Variants in GPR158 observed in about 807,000 individuals in gnomAD.
The protein encoded by GPR158 is G protein-coupled receptor 158.
GPR158 carries 30 observed loss-of-function variants against 78.2 expected under a neutral mutation model. That is an observed-to-expected ratio of 0.38 (90% CI 0.29 to 0.52). The LOEUF is 0.52. GPR158 is among the 20% of genes least tolerant of loss of function. The pLI, the probability that GPR158 is intolerant of heterozygous loss-of-function variation, is 0.83. For synonymous variants in GPR158, 581 were observed against 591.1 expected (o/e 0.98, Z 0.25); for missense variants, 1,463 against 1,523.5 (o/e 0.96, Z 0.66).
At position 25,417,575 on chromosome 10, in the gene GPR158, T is replaced by TTA. The variant is rs1425041452; in HGVS notation, c.1335+5103_1335+5104dup. Among the ~76,000 whole-genome samples the TTA allele has an allele frequency of 2.0e-5, 3 of 152,172 alleles. No individual in the cohort carries two copies. The East Asian group carries it at 5.8e-4, about 29-fold the overall frequency. ...AAACTTTTATAAATACTGCTGGTCT[T>TTA]TACTGAGTTTTCAAAAGGTATTCAC... On this transcript the variant is annotated intron_variant, in intron 4 of 10. Transcript: ENST00000376351.
intron 6 of GPR158, among the ~76,000 whole-genome samples, chr10:25,560,338 T>G (rs2130720702): frequency 6.6e-6 from 1 of 152,350 alleles, no homozygotes; most frequent in Admixed American, 6.5e-5. Flanking sequence ...TGATCTCGGC[T>G]CACTGCAAGC....
chr10:25,403,000 T>C (rs1834467049), intron 3 of GPR158, among the ~76,000 whole-genome samples: 1 of 151,762 alleles, frequency 6.6e-6, no homozygotes, highest in Non-Finnish European at 1.5e-5. Context: ...TCAAAGTCTA[T>C]TTTTCATTTA....
chr10:25,233,948 AAT>A (rs1853488658), intron 2 of GPR158, among the ~76,000 whole-genome samples: 1 of 152,202 alleles, frequency 6.6e-6, no homozygotes, highest in Non-Finnish European at 1.5e-5. Context: ...TTTTTTCATA[AAT>A]ATGTTACTTA....
At chr10:25,489,612 C>T (rs1475731429) in intron 5 of GPR158, among the ~76,000 whole-genome samples, 1 of 152,132 alleles carries the variant, frequency 6.6e-6, no homozygotes, top group Non-Finnish European at 1.5e-5. Flanking sequence ...CCTAGCTGTA[C>T]TCTCCCTTCT....
chr10:25,512,634 T>A (rs925204054), intron 5 of GPR158, among the ~76,000 whole-genome samples: 1 of 152,186 alleles, frequency 6.6e-6, no homozygotes, highest in Non-Finnish European at 1.5e-5. Context: ...TGCTCTCAAC[T>A]TTTCCCTGTT....
At chr10:25,490,449 C>A (rs182592638) in intron 5 of GPR158, among the ~76,000 whole-genome samples, 1 of 78,152 alleles carries the variant, frequency 1.3e-5, no homozygotes, top group Non-Finnish European at 2.5e-5. Flanking sequence ...CCCCTCCCCC[C>A]ACCCCACCAC....
intron 1 of GPR158, among the ~76,000 whole-genome samples, chr10:25,182,371 GA>G (rs931164071): frequency 1.3e-4 from 20 of 152,276 alleles, no homozygotes; most frequent in Non-Finnish European, 2.8e-4. Context: ...TCGACATTTG[GA>G]AGCTCCCTAC....
intron 4 of GPR158, among the ~76,000 whole-genome samples, chr10:25,421,803 C>T (rs1834755379): frequency 6.6e-6 from 1 of 152,066 alleles, no homozygotes; most frequent in Non-Finnish European, 1.5e-5. Context: ...TCTCCCCCTT[C>T]CCAGTTTATT....
At chr10:25,241,329 C>T (rs923896309) in intron 2 of GPR158, among the ~76,000 whole-genome samples, 24 of 120,020 alleles carry the variant, frequency 2.0e-4, no homozygotes, top group African/African-American at 7.5e-4. Context: ...CTCTTCTCTT[C>T]TCTTCTCTTT....
chr10:25,207,008 A>G (rs1245599402), intron 1 of GPR158, among the ~76,000 whole-genome samples: 2 of 151,736 alleles, frequency 1.3e-5, no homozygotes, highest in African/African-American at 4.8e-5. Context: ...GGGAAATGCA[A>G]AGAGCCCATA....
At chr10:25,372,599 A>C (rs980872268) in intron 2 of GPR158, among the ~76,000 whole-genome samples, 4 of 146,948 alleles carry the variant, frequency 2.7e-5, no homozygotes, top group African/African-American at 1.0e-4. Flanking sequence ...TCAGTAAACT[A>C]TCGCAAGAAC....
At chr10:25,365,041 A>G (rs1855698045) in intron 2 of GPR158, among the ~76,000 whole-genome samples, 1 of 151,556 alleles carries the variant, frequency 6.6e-6, no homozygotes, top group Non-Finnish European at 1.5e-5. Flanking sequence ...AGTACTTGAA[A>G]ACATTTTTGT....
At chr10:25,467,190 A>T (rs1287875194) in intron 5 of GPR158, among the ~76,000 whole-genome samples, 1 of 152,204 alleles carries the variant, frequency 6.6e-6, no homozygotes, top group African/African-American at 2.4e-5. Flanking sequence ...TTTCTGGTTG[A>T]CAATTGGTTG....
At chr10:25,337,502 A>G (rs532909419) in intron 2 of GPR158, among the ~76,000 whole-genome samples, 1 of 152,120 alleles carries the variant, frequency 6.6e-6, no homozygotes, top group African/African-American at 2.4e-5. Flanking sequence ...TCATTTCTCT[A>G]TAGTATTGTT....
intron 5 of GPR158, among the ~76,000 whole-genome samples, chr10:25,547,060 A>G (rs1383839377): frequency 3.3e-5 from 5 of 152,200 alleles, no homozygotes; most frequent in Non-Finnish European, 7.3e-5. Context: ...AAGTGAGGTG[A>G]TGAGAAAGAT....
At chr10:25,470,019 A>T (rs1181424612) in intron 5 of GPR158, among the ~76,000 whole-genome samples, 1 of 152,046 alleles carries the variant, frequency 6.6e-6, no homozygotes, top group Non-Finnish European at 1.5e-5. Flanking sequence ...AACTCCCCAA[A>T]GATTCCCCAA....
rs147157857 is a variant in GPR158, at chr10:25,324,700, C to A, written c.1009-71211C>A. Among the ~76,000 whole-genome samples, 17 of 152,264 alleles carry A rather than the reference C, an allele frequency of 1.1e-4. No homozygotes were observed. In the East Asian group the frequency reaches 3.3e-3, roughly 29 times the overall value. On this transcript the variant is annotated intron_variant, in intron 2 of 10. Transcript: ENST00000376351. ...TTCAAATTTGTAAAACATGCAGTATCTGTGAAGCACAATAAAGCAAAGTGC... is the reference window on the plus strand; with the variant it reads ...TTCAAATTTGTAAAACATGCAGTATATGTGAAGCACAATAAAGCAAAGTGC...
At chr10:25,517,348 C>T (rs1184346387) in intron 5 of GPR158, among the ~76,000 whole-genome samples, 3 of 151,814 alleles carry the variant, frequency 2.0e-5, no homozygotes, top group African/African-American at 7.3e-5. Flanking sequence ...CTTTTCCTAA[C>T]TGAATACCCT....
intron 2 of GPR158, among the ~76,000 whole-genome samples, chr10:25,259,471 G>A (rs1012654780): frequency 4.6e-5 from 7 of 152,068 alleles, no homozygotes; most frequent in African/African-American, 1.7e-4. Flanking sequence ...AATTGTTTCA[G>A]TTGTTGTGGT....
Sources: allele counts gnomAD v4.1 joint callset (sites outside exome capture counted in the v4.1 genomes callset), GRCh38; gene constraint gnomAD v4.1.1; transcripts MANE v1.5; gene names NCBI Gene and HGNC (gene_info 2026-07-23, HGNC 2026-07-21).